The following UBE2U variants were observed in gnomAD, a reference collection of about 807,000 sequenced individuals.
UBE2U encodes ubiquitin-conjugating enzyme E2 U.
A neutral mutation model predicts 41.2 loss-of-function variants in UBE2U; 39 were observed. That is an observed-to-expected ratio of 0.95 (90% confidence interval 0.73 to 1.24). The LOEUF (loss-of-function observed/expected upper bound fraction) is 1.24, where lower values mean the gene tolerates loss of function less well. Ranked by LOEUF, UBE2U falls within the 50% of genes most tolerant of loss-of-function variation. The pLI is 0.00. For missense variants in UBE2U, 336 were observed against 363.1 expected, an observed-to-expected ratio of 0.93 and a Z score of 0.61; for synonymous variants, 107 against 117.8, an observed-to-expected ratio of 0.91 and a Z score of 0.60.
At chr1:64,207,044 G>A (rs1470953411) in intron 3 of UBE2U, among the ~76,000 whole-genome samples, 188 bp downstream of exon 3, 1 of 152,134 alleles carries the variant, frequency 6.6e-6, no homozygotes, top group Non-Finnish European at 1.5e-5. Context: ...AGAAAATACT[G>A]TCAACATTTT....
At chr1:64,251,370 A>C (rs1645008155) in intron 8 of UBE2U, among the ~76,000 whole-genome samples, 2 of 152,136 alleles carry the variant, frequency 1.3e-5, no homozygotes, top group African/African-American at 4.8e-5. Context: ...TTAACATTTG[A>C]AAATTTCGAA....
chr1:64,262,750 G>A (rs548676818), intron 9 of UBE2U, among the ~76,000 whole-genome samples: 14 of 152,246 alleles, frequency 9.2e-5, no homozygotes, highest in Admixed American at 9.2e-4. Context: ...AGAAGTCATG[G>A]GTCCTATCCA....
chr1:64,257,491 C>G (rs1223192216), intron 8 of UBE2U, among the ~76,000 whole-genome samples: 1 of 152,106 alleles, frequency 6.6e-6, no homozygotes, highest in Non-Finnish European at 1.5e-5. Flanking sequence ...AGCCATTATC[C>G]TCAGCAAACT....
chr1:64,215,129 C>T (rs1651913918), intron 5 of UBE2U, among the ~76,000 whole-genome samples, 197 bp downstream of exon 5: 2 of 152,054 alleles, frequency 1.3e-5, no homozygotes, highest in South Asian at 2.1e-4. Context: ...TACTCGGGAG[C>T]CTGAGGCAGG....
At chr1:64,246,181 A>G (rs554739210) in intron 8 of UBE2U, among the ~76,000 whole-genome samples, 1 of 152,284 alleles carries the variant, frequency 6.6e-6, no homozygotes, top group South Asian at 2.1e-4. Context: ...TCAAATACCA[A>G]TAAAAAAACT....
intron 9 of UBE2U, among the ~76,000 whole-genome samples, chr1:64,263,834 C>T (rs2100558945): frequency 1.3e-5 from 2 of 152,268 alleles, no homozygotes; most frequent in Middle Eastern, 6.8e-3. Context: ...CACATCTCTC[C>T]ACAGCCTCAC....
At chr1:64,246,536 A>C (rs1177726520) in intron 8 of UBE2U, among the ~76,000 whole-genome samples, 4 of 152,160 alleles carry the variant, frequency 2.6e-5, no homozygotes, top group African/African-American at 9.7e-5. Flanking sequence ...CTTGTGGTTA[A>C]CAAGTGAATT....
At chr1:64,219,388 T>C (rs1328424298) in intron 5 of UBE2U, among the ~76,000 whole-genome samples, 2 of 152,100 alleles carry the variant, frequency 1.3e-5, no homozygotes, top group Admixed American at 1.3e-4. Context: ...ATAATATTTC[T>C]TTGTGTATCC....
At chr1:64,252,256 G>A (rs1195929747) in intron 8 of UBE2U, among the ~76,000 whole-genome samples, 6 of 152,166 alleles carry the variant, frequency 3.9e-5, no homozygotes, top group Non-Finnish European at 8.8e-5. Context: ...CTCACCCTGG[G>A]ATGGAGCTCC....
chr1:64,216,035 C>T (rs1651987994), intron 5 of UBE2U, among the ~76,000 whole-genome samples: 1 of 152,156 alleles, frequency 6.6e-6, no homozygotes, highest in South Asian at 2.1e-4. Context: ...TACTTTTTCT[C>T]TCAGATTTAC....
intron 7 of UBE2U, among the ~76,000 whole-genome samples, chr1:64,238,889 A>T (rs1644721150): frequency 6.6e-6 from 1 of 151,728 alleles, no homozygotes; most frequent in Non-Finnish European, 1.5e-5. Flanking sequence ...GAAAAAGTTA[A>T]AAATTAGCCA....
At chr1:64,213,781 CGTT>C (rs1233739278) in intron 4 of UBE2U, among the ~76,000 whole-genome samples, 1 of 152,130 alleles carries the variant, frequency 6.6e-6, no homozygotes, top group Non-Finnish European at 1.5e-5. Flanking sequence ...CACATTTCAT[CGTT>C]GTTTGAAAAT....
At chr1:64,246,804 A>G (rs762097308) in intron 8 of UBE2U, among the ~76,000 whole-genome samples, 11 of 152,208 alleles carry the variant, frequency 7.2e-5, no homozygotes, top group Non-Finnish European at 1.6e-4. Flanking sequence ...TTTCATAAAG[A>G]AGATGTGCAG....
At chr1:64,228,781 T>C (rs994495684) in intron 6 of UBE2U, among the ~76,000 whole-genome samples, 1 of 147,346 alleles carries the variant, frequency 6.8e-6, no homozygotes, top group Non-Finnish European at 1.5e-5. Flanking sequence ...CCTCTGCCTC[T>C]GGGTTCAAGC....
chr1:64,236,229 G>T (rs1482842934), intron 7 of UBE2U, among the ~76,000 whole-genome samples: 1 of 152,144 alleles, frequency 6.6e-6, no homozygotes, highest in Non-Finnish European at 1.5e-5. Flanking sequence ...TGAACAATAA[G>T]TTCTCAATAA....
At position 64,213,302 on chromosome 1, in the gene UBE2U, T is replaced by C. The variant is rs1038179333; in HGVS notation, c.340-1513T>C. Reference sequence around the variant, plus strand: ...AAAGTTACCTTAGAAATGGTCAGTCTCCAGTTCCCCTCTGCCTGGCAACTC... The same window carrying C: ...AAAGTTACCTTAGAAATGGTCAGTCCCCAGTTCCCCTCTGCCTGGCAACTC... On this transcript the variant is annotated intron_variant, in intron 4 of 9. Coordinates refer to ENST00000371077, the MANE Select transcript of UBE2U (RefSeq NM_001366232.2). Among the ~76,000 whole-genome samples the C allele has an allele frequency of 2.0e-5, 3 of 152,186 alleles. No homozygotes were observed. The South Asian group carries it at 6.2e-4, about 32-fold the overall frequency.
At chr1:64,220,818 C>T in intron 5 of UBE2U, 41 bp from the exon 6 acceptor site, 1 of 1,490,048 alleles carries the variant, frequency 6.7e-7, no homozygotes, top group Non-Finnish European at 9.3e-7. Context: ...TATATTCAAT[C>T]TCCAAGTAAA....
chr1:64,257,521 A>G (rs1422810256), intron 8 of UBE2U, among the ~76,000 whole-genome samples: 1 of 152,206 alleles, frequency 6.6e-6, no homozygotes, highest in African/African-American at 2.4e-5. Context: ...ACAGAAAACC[A>G]AACACCATAT....
intron 8 of UBE2U, among the ~76,000 whole-genome samples, chr1:64,249,293 G>T (rs550546939): frequency 6.8e-6 from 1 of 147,994 alleles, no homozygotes; most frequent in Non-Finnish European, 1.5e-5. Flanking sequence ...CAGGAGAATC[G>T]CTTGAACCTG....
Sources: allele counts gnomAD v4.1 joint callset (sites outside exome capture counted in the v4.1 genomes callset), GRCh38; gene constraint gnomAD v4.1.1; transcripts MANE v1.5; gene names NCBI Gene and HGNC (gene_info 2026-07-23, HGNC 2026-07-21).